Variants in HELLS observed in about 807,000 individuals in gnomAD.
The protein encoded by HELLS is helicase, lymphoid specific, also known as lymphoid-specific helicase.
Under a neutral mutation model 120.0 loss-of-function variants are expected in HELLS, and 32 were observed. The observed-to-expected ratio is 0.27, with a 90% CI of 0.20 to 0.36. The LOEUF is 0.36. Ranked by LOEUF, HELLS falls within the 10% of genes least tolerant of loss-of-function variation. HELLS has a pLI of 1.00. For synonymous variants in HELLS, 341 were observed against 323.4 expected, an observed-to-expected ratio of 1.05 and a Z score of -0.58; for missense variants, 650 against 993.4, an observed-to-expected ratio of 0.65 and a Z score of 4.65.
chr10:94,549,538 T>G (rs1842886681), intron 2 of HELLS, among the ~76,000 whole-genome samples: 1 of 152,128 alleles, frequency 6.6e-6, no homozygotes, highest in Non-Finnish European at 1.5e-5. Context: ...GTCAGGAGAT[T>G]TCTTGGAGAG....
At chr10:94,574,828 T>TA (rs1455501072) in intron 9 of HELLS, 92 bp downstream of exon 9, 2 of 936,482 alleles carry the variant, frequency 2.1e-6, no homozygotes, top group Non-Finnish European at 1.6e-6. Flanking sequence ...CTCTTATAAT[T>TA]ATATTGGTTT....
At chr10:94,604,217 C>T (rs114552492), downstream of HELLS, among the ~76,000 whole-genome samples, 518 of 151,804 alleles carry the variant, frequency 3.4e-3, 4 homozygotes, top group African/African-American at 0.011. Flanking sequence ...ATCTGCCCCC[C>T]GGGTTTAAGT....
chr10:94,574,089 C>T lies in HELLS; in HGVS notation c.607C>T (p.Arg203Trp), dbSNP rs1264527962. Reference protein sequence around the residue: ...QNTKFFFDPVRKCNGQPVPFQ... With the variant: ...QNTKFFFDPVWKCNGQPVPFQ... ...TACTAAATTCTTTTTTGACCCAGTC[C>T]GGAAGTGTAATGGTCAGCCAGTACC... Residue 203 changes from arginine (R) to tryptophan (W), a missense_variant, in exon 8 of 22, where the codon CGG (arginine) becomes TGG (tryptophan). Arg to Trp is a moderately radical substitution (Grantham distance 101). Around this residue, in one of 9 missense-constraint regions of HELLS, gnomAD observed 113 missense variants for 120.7 expected, o/e 0.94. Coordinates refer to ENST00000348459, the MANE Select transcript of HELLS (RefSeq NM_018063.5). 4.3e-6 allele frequency: 7 copies of T among 1,613,696 alleles called. No homozygotes were observed. Among genetic ancestry groups the T allele is most frequent in the East Asian group, 2.2e-5 (1 of 44,868 alleles).
exon 10 of HELLS, chr10:94,612,540 G>C (rs141781635): frequency 6.6e-6 from 1 of 152,158 alleles, no homozygotes; most frequent in Non-Finnish European, 1.5e-5. Flanking sequence ...ATGTGTGCTT[G>C]TATATTCCGA....
intron 10 of HELLS, chr10:94,577,105 A>G (rs1450347322): frequency 4.1e-6 from 2 of 486,616 alleles, no homozygotes; most frequent in African/African-American, 2.0e-5. Context: ...AGGTACTTTG[A>G]ATATATGGAA....
In HELLS at chr10:94,558,165, G is replaced by C. The variant is rs945802648; in HGVS notation, c.303G>C (p.Glu101Asp). Reference protein sequence around the residue: ...LEEQKKKEKLERKKESLKVKK... With the variant: ...LEEQKKKEKLDRKKESLKVKK... ...AACAGAAGAAGAAAGAAAAATTGGA[G>C]AGAAAAAAGGAGTCTTTAAAAGTTA... is the stretch of plus-strand genomic sequence containing the variant. Residue 101 changes from glutamate (E) to aspartate (D), a missense_variant, in exon 4 of 22, where the codon GAG becomes GAC. By Grantham distance (45) the Glu-to-Asp change is conservative. Transcript: ENST00000348459. 2 of 1,565,630 alleles carry C rather than the reference G, an allele frequency of 1.3e-6. No homozygotes were observed. The highest frequency in any genetic ancestry group is 4.1e-5 in the Admixed American group (2 of 48,344).
At chr10:94,566,654 CT>C (rs35226277) in intron 6 of HELLS, among the ~76,000 whole-genome samples, 267 of 141,966 alleles carry the variant, frequency 1.9e-3, no homozygotes, top group East Asian at 3.9e-3. Flanking sequence ...TTTTTCTTTT[CT>C]TTTTTTTTTT....
chr10:94,552,004 G>T (rs914185258), intron 2 of HELLS, among the ~76,000 whole-genome samples: 6 of 152,150 alleles, frequency 3.9e-5, no homozygotes, highest in African/African-American at 1.4e-4. Flanking sequence ...CTCCCAAAGT[G>T]CTGGGATTAC....
intron 13 of HELLS, among the ~76,000 whole-genome samples, chr10:94,589,274 T>A (rs1407012356): frequency 6.6e-6 from 1 of 152,262 alleles, no homozygotes; most frequent in African/African-American, 2.4e-5. Context: ...ATCCCTGTAC[T>A]AAGGACTTGG....
intron 4 of HELLS, among the ~76,000 whole-genome samples, chr10:94,560,822 A>G (rs976614652): frequency 1.3e-5 from 2 of 152,038 alleles, no homozygotes; most frequent in Non-Finnish European, 2.9e-5. Context: ...TTGGGAGGCC[A>G]AGGTGGGCCG....
chr10:94,596,581 G>T (rs1845750877), intron 19 of HELLS, among the ~76,000 whole-genome samples: 1 of 151,910 alleles, frequency 6.6e-6, no homozygotes, highest in Non-Finnish European at 1.5e-5. Flanking sequence ...TTATGAATAA[G>T]TTGGTCCTGT....
At chr10:94,553,509 A>G (rs1043493515) in intron 2 of HELLS, among the ~76,000 whole-genome samples, 43 of 151,304 alleles carry the variant, frequency 2.8e-4, no homozygotes, top group Non-Finnish European at 4.6e-4. Context: ...TCGGCCTCCC[A>G]AAGTGCTGGG....
chr10:94,574,051 C>T lies in HELLS; in HGVS notation c.569C>T (p.Thr190Met), dbSNP rs142677560. 36 of 1,611,122 alleles carry T rather than the reference C, an allele frequency of 2.2e-5. No individual in the cohort carries two copies. Among genetic ancestry groups the T allele is most frequent in the African/African-American group, 1.7e-4 (13 of 74,930 alleles). The stretch of plus-strand genomic sequence containing the variant: ...ATAATTAAAGATAGATTGTCTGAAA[C>T]GGTTAGGCAGAATACTAAATTCTTT... ...NSIIKDRLSETVRQNTKFFFD... is the reference protein window; with the variant it reads ...NSIIKDRLSEMVRQNTKFFFD... Residue 190 changes from threonine (T) to methionine (M), a missense_variant, in exon 8 of 22, where the codon ACG becomes ATG. Around this residue, in one of 9 missense-constraint regions of HELLS, gnomAD observed 113 missense variants for 120.7 expected, o/e 0.94. Transcript: ENST00000348459.
intron 9 of HELLS, among the ~76,000 whole-genome samples, chr10:94,575,193 A>G (rs985075487): frequency 7.1e-6 from 1 of 141,682 alleles, no homozygotes; most frequent in Non-Finnish European, 1.5e-5. Context: ...TCTGCCTCCC[A>G]TGATGAAGCA....
At chr10:94,567,337 T>G (rs952511860) in intron 6 of HELLS, among the ~76,000 whole-genome samples, 5 of 152,110 alleles carry the variant, frequency 3.3e-5, no homozygotes, top group African/African-American at 1.2e-4. Flanking sequence ...TTGCTCTTGT[T>G]GCCCAGGCTG....
At chr10:94,610,363 A>G (rs766277220) in exon 10 of HELLS, 1 of 151,888 alleles carries the variant, frequency 6.6e-6, no homozygotes, top group Non-Finnish European at 1.5e-5. Flanking sequence ...GGCTGAGGCT[A>G]GTGGATCATG....
chr10:94,610,370 C>T (rs1278039045), exon 10 of HELLS: 1 of 151,646 alleles, frequency 6.6e-6, no homozygotes, highest in Non-Finnish European at 1.5e-5. Context: ...GCTAGTGGAT[C>T]ATGTGGCCGA....
intron 6 of HELLS, among the ~76,000 whole-genome samples, 186 bp downstream of exon 6, chr10:94,563,062 CT>C (rs376647311): frequency 4.2e-4 from 64 of 151,522 alleles, no homozygotes; most frequent in African/African-American, 1.4e-3. Context: ...CTACAGTAGA[CT>C]TGAGACTAAT....
chr10:94,596,776 G>T (rs1166706177), intron 19 of HELLS, 84 bp from the exon 20 acceptor site: 5 of 709,150 alleles, frequency 7.1e-6, no homozygotes, highest in Admixed American at 5.0e-5. Context: ...CCTTCTTAAT[G>T]CAAGCCATTG....
Sources: allele counts gnomAD v4.1 joint callset (sites outside exome capture counted in the v4.1 genomes callset), GRCh38; gene constraint gnomAD v4.1.1; regional missense constraint gnomAD v4.1.1; transcripts MANE v1.5; gene names NCBI Gene and HGNC (gene_info 2026-07-23, HGNC 2026-07-21).